The following SPTLC1 variants were observed in gnomAD, a reference collection of about 807,000 sequenced individuals.
The protein encoded by SPTLC1 is serine palmitoyltransferase 1.
In SPTLC1, 55 loss-of-function variants were observed where a neutral mutation model predicts 68.9. The ratio of observed to expected loss-of-function variants is 0.80; its 90% CI spans 0.64 to 1.00. The LOEUF is 1.00. Among genes scored for constraint, SPTLC1 ranks in the 50% least tolerant of loss-of-function variants. SPTLC1 has a pLI of 0.00. For missense variants in SPTLC1, 449 were observed against 573.1 expected (o/e 0.78, Z 2.21); for synonymous variants, 197 against 201.6 (o/e 0.98, Z 0.19).
intron 11 of SPTLC1, 106 bp downstream of exon 11, chr9:92,047,066 G>T: frequency 1.0e-6 from 1 of 981,444 alleles, no homozygotes; most frequent in Non-Finnish European, 1.6e-6. Context: ...TAATGTAACT[G>T]CAAACCAGTT....
At chr9:92,092,483 C>T (rs1835397371) in intron 3 of SPTLC1, among the ~76,000 whole-genome samples, 1 of 152,136 alleles carries the variant, frequency 6.6e-6, no homozygotes, top group African/African-American at 2.4e-5. Flanking sequence ...AATACCAGCA[C>T]TTTGGGAGGT....
chr9:92,046,936 T>C (rs1226150185), intron 11 of SPTLC1, among the ~76,000 whole-genome samples: 2 of 152,170 alleles, frequency 1.3e-5, no homozygotes, highest in African/African-American at 4.8e-5. Context: ...CTCCACCCAC[T>C]ATCTGAGCTA....
Position 92,061,817 on chromosome 9 carries a change from C to T in SPTLC1, c.561-2509G>A, listed in dbSNP as rs148472303. On this transcript the variant is annotated intron_variant, in intron 6 of 14. Transcript: ENST00000262554. ...ATTATAATATATGTGTAATGTAACA[C>T]TCAGAGTAATGACTAAAAAAAGCTA... Among the ~76,000 whole-genome samples the T allele has an allele frequency of 3.3e-3, 508 of 152,070 alleles. 1 individual carries two copies. Among genetic ancestry groups the T allele is most frequent in the Non-Finnish European group, 5.8e-3 (397 of 67,960 alleles).
chr9:92,032,607 G>A (rs1479340978), intron 14 of SPTLC1, 49 bp from the exon 15 acceptor site: 2 of 1,612,376 alleles, frequency 1.2e-6, no homozygotes, highest in African/African-American at 1.3e-5. Context: ...GCCAGGCGCA[G>A]TGGCTCACGC....
At chr9:92,052,654 C>T (rs1361989071) in intron 8 of SPTLC1, among the ~76,000 whole-genome samples, 2 of 151,734 alleles carry the variant, frequency 1.3e-5, no homozygotes, top group Admixed American at 1.3e-4. Context: ...CTCAGCCTCC[C>T]GAGTAGCTGG....
In SPTLC1 at chr9:92,047,686, C is replaced by G; in HGVS notation, c.911G>C (p.Ser304Thr). The change falls in exon 10 of 15, where the codon AGT becomes ACT. Residue 304 changes from serine to threonine, a missense_variant. By Grantham distance (58) the Ser-to-Thr change is moderately conservative. Around this residue, in one of 3 missense-constraint regions of SPTLC1, gnomAD observed 391 missense variants for 472.1 expected, o/e 0.83. Coordinates refer to ENST00000262554, the MANE Select transcript of SPTLC1 (RefSeq NM_006415.4). ...GINIDDIDLI[S>T]ANMENALASI... ...AGCAAGTGCATTCTCCATGTTGGCA[C>G]TGATAAGATCAATATCATCAATCTG... The G allele has an allele frequency of 6.2e-7, 1 of 1,613,200 alleles. No homozygotes were observed. The highest frequency in any genetic ancestry group is 1.1e-5 in the South Asian group (1 of 91,014).
At chr9:92,096,316 T>C (rs1835526099) in intron 3 of SPTLC1, among the ~76,000 whole-genome samples, 1 of 152,090 alleles carries the variant, frequency 6.6e-6, no homozygotes, top group African/African-American at 2.4e-5. Flanking sequence ...AAAACACAAA[T>C]GGTAACTAAA....
chr9:92,106,546 C>T (rs953961965), intron 3 of SPTLC1, among the ~76,000 whole-genome samples: 2 of 151,960 alleles, frequency 1.3e-5, no homozygotes, highest in African/African-American at 4.8e-5. Flanking sequence ...GTCTCCACAC[C>T]TGCTGAGACT....
Position 92,067,418 on chromosome 9 carries a change from A to C in SPTLC1, c.560+548T>G, listed in dbSNP as rs560482466. ...GCAGCAGATGCTTCTGACTGGTTTA[A>C]CCAGCTGCCTGGGGCCTGCCAGCCC... On this transcript the variant is annotated intron_variant, in intron 6 of 14. Transcript: ENST00000262554. Among the ~76,000 whole-genome samples, 32 of 152,304 alleles carry C rather than the reference A, an allele frequency of 2.1e-4. No individual in the cohort carries two copies. In the South Asian group the frequency reaches 6.6e-3, roughly 32 times the overall value.
intron 3 of SPTLC1, among the ~76,000 whole-genome samples, chr9:92,100,495 T>TAG (rs1172516705): frequency 6.6e-6 from 1 of 152,190 alleles, no homozygotes; most frequent in Non-Finnish European, 1.5e-5. Context: ...TTCCACATCC[T>TAG]AGTGACTGCA....
At chr9:92,092,226 A>C (rs1192152942) in intron 3 of SPTLC1, among the ~76,000 whole-genome samples, 1 of 152,180 alleles carries the variant, frequency 6.6e-6, no homozygotes, top group Admixed American at 6.5e-5. Flanking sequence ...AACATTTGCA[A>C]AATTTACAAT....
intron 11 of SPTLC1, 119 bp from the exon 12 acceptor site, chr9:92,046,172 T>A: frequency 1.1e-6 from 1 of 898,670 alleles, no homozygotes; most frequent in Non-Finnish European, 1.8e-6. Context: ...TCCTTCTACA[T>A]ACTAACAGAG....
intron 6 of SPTLC1, among the ~76,000 whole-genome samples, chr9:92,065,122 T>G (rs1160311633): frequency 6.6e-6 from 1 of 152,246 alleles, no homozygotes; most frequent in East Asian, 1.9e-4. Context: ...CTATATTATT[T>G]CTTACAAGTG....
Position 92,031,344 on chromosome 9 carries a change from AG to A in SPTLC1, c.*1120del, listed in dbSNP as rs1832960644. On this transcript the variant is annotated 3_prime_UTR_variant, in exon 15 of 15. Coordinates refer to ENST00000262554, the MANE Select transcript of SPTLC1 (RefSeq NM_006415.4). ...TGAAGACCATTTGAGTAATAAGCAC[AG>A]GTTATAAAAATCACAATTTTATTCT... 1 of 152,646 alleles carries A rather than the reference AG, an allele frequency of 6.6e-6. No homozygotes were observed. Among genetic ancestry groups the A allele is most frequent in the Admixed American group, 6.5e-5 (1 of 15,288 alleles). 9.5% of individuals were successfully genotyped at this position (152,646 alleles called of 1,614,324 possible). A position where few individuals can be genotyped will look rare whatever the true frequency, so the allele number is the denominator to read the frequency against.
chr9:92,039,627 C>T (rs1439624679), intron 12 of SPTLC1, among the ~76,000 whole-genome samples: 1 of 152,150 alleles, frequency 6.6e-6, no homozygotes, highest in African/African-American at 2.4e-5. Context: ...ATTTTAGATT[C>T]CTTTCATTTA....
chr9:92,067,231 G>A (rs150270423), intron 6 of SPTLC1, among the ~76,000 whole-genome samples: 75 of 151,962 alleles, frequency 4.9e-4, no homozygotes, highest in Middle Eastern at 6.8e-3. Flanking sequence ...CTTGGGAGGC[G>A]GAGGTTGCAG....
Position 92,108,849 on chromosome 9 carries a change from G to T in SPTLC1, c.166-15C>A, listed in dbSNP as rs781225805. On this transcript the variant is annotated splice_polypyrimidine_tract_variant and intron_variant, in intron 2 of 14. Transcript: ENST00000262554. ...TCTTCTTTTTCCTACAGGAGAAAAAGAATTAAAATACAGTGCAGTGCTAAT... is the reference window on the plus strand; with the variant it reads ...TCTTCTTTTTCCTACAGGAGAAAAATAATTAAAATACAGTGCAGTGCTAAT... 13 of 1,575,380 alleles carry T rather than the reference G, an allele frequency of 8.3e-6. No homozygotes were observed. Among genetic ancestry groups the T allele is most frequent in the African/African-American group, 8.2e-5 (6 of 73,544 alleles).
chr9:92,066,993 A>G (rs561462022), intron 6 of SPTLC1, among the ~76,000 whole-genome samples: 2 of 151,842 alleles, frequency 1.3e-5, no homozygotes, highest in South Asian at 4.2e-4. Context: ...AATAAAAAAA[A>G]TTAAAAAATA....
At chr9:92,068,146 T>C in intron 5 of SPTLC1, 48 bp from the exon 6 acceptor site, 1 of 1,566,432 alleles carries the variant, frequency 6.4e-7, no homozygotes, top group Non-Finnish European at 8.7e-7. Context: ...TATAATTCTT[T>C]TTCTCTACTA....
Sources: allele counts gnomAD v4.1 joint callset (sites outside exome capture counted in the v4.1 genomes callset), GRCh38; gene constraint gnomAD v4.1.1; regional missense constraint gnomAD v4.1.1; transcripts MANE v1.5; gene names NCBI Gene and HGNC (gene_info 2026-07-23, HGNC 2026-07-21).